Variants in MTHFD2L observed in about 807,000 individuals in gnomAD.
MTHFD2L encodes the protein methylenetetrahydrofolate dehydrogenase (NADP+ dependent) 2 like, also known as bifunctional methylenetetrahydrofolate dehydrogenase/cyclohydrolase 2, mitochondrial.
In MTHFD2L, 29 loss-of-function variants were observed where a neutral mutation model predicts 34.9. The ratio of observed to expected loss-of-function variants is 0.83; its 90% CI spans 0.62 to 1.13. The LOEUF is 1.13. Among genes scored for constraint, MTHFD2L ranks in the 50% most tolerant of loss-of-function variants. The pLI, the probability that MTHFD2L is intolerant of heterozygous loss-of-function variation, is 0.00. For synonymous variants in MTHFD2L, 167 were observed against 155.7 expected, an observed-to-expected ratio of 1.07 and a Z score of -0.54; for missense variants, 481 against 446.5, an observed-to-expected ratio of 1.08 and a Z score of -0.70.
At chr4:74,124,137 T>C (rs145435586), upstream of MTHFD2L, among the ~76,000 whole-genome samples, 573 of 152,238 alleles carry the variant, frequency 3.8e-3, 3 homozygotes, top group Non-Finnish European at 5.2e-3. Flanking sequence ...GACAAAGGCT[T>C]AGACAGTAAT....
intron 5 of MTHFD2L, among the ~76,000 whole-genome samples, chr4:74,218,335 C>A (rs1248465281): frequency 6.6e-6 from 1 of 152,042 alleles, no homozygotes; most frequent in Non-Finnish European, 1.5e-5. Flanking sequence ...TGAAAGCTGG[C>A]ACATGGACAG....
At chr4:74,243,046 TGAGA>T (rs540323374) in intron 6 of MTHFD2L, among the ~76,000 whole-genome samples, 1 of 151,982 alleles carries the variant, frequency 6.6e-6, no homozygotes, top group African/African-American at 2.4e-5. Context: ...TGAAAATTGA[TGAGA>T]GAGAGAGGTG....
At chr4:74,124,608 C>T (rs1038011163), upstream of MTHFD2L, among the ~76,000 whole-genome samples, 15 of 151,906 alleles carry the variant, frequency 9.9e-5, no homozygotes, top group African/African-American at 2.4e-4. Context: ...CAACCTGTTT[C>T]GTTAAGACAT....
chr4:74,251,099 C>A (rs1249216111), intron 6 of MTHFD2L, among the ~76,000 whole-genome samples: 1 of 152,158 alleles, frequency 6.6e-6, no homozygotes, highest in Non-Finnish European at 1.5e-5. Flanking sequence ...GTGATGAACT[C>A]TAAGATCTAA....
chr4:74,119,900 A>T (rs1422605332), upstream of MTHFD2L, among the ~76,000 whole-genome samples: 2 of 152,224 alleles, frequency 1.3e-5, no homozygotes, highest in Non-Finnish European at 2.9e-5. Flanking sequence ...TGGCTATGCA[A>T]TGAAGCCATG....
intron 6 of MTHFD2L, among the ~76,000 whole-genome samples, chr4:74,227,694 G>T (rs1281015673): frequency 6.6e-6 from 1 of 152,188 alleles, no homozygotes; most frequent in Admixed American, 6.6e-5. Context: ...GAAGGACGTT[G>T]TCGGCCATGG....
chr4:74,263,346 G>C (rs535934390), intron 6 of MTHFD2L, among the ~76,000 whole-genome samples: 2 of 151,860 alleles, frequency 1.3e-5, no homozygotes, highest in Non-Finnish European at 1.5e-5. Flanking sequence ...TTTTACAATT[G>C]TTCTCTCTAG....
chr4:74,145,609 A>G (rs1008393843), intron 1 of MTHFD2L, among the ~76,000 whole-genome samples: 1 of 152,222 alleles, frequency 6.6e-6, no homozygotes. Flanking sequence ...GACATAAATA[A>G]TTCCTATAGC....
chr4:74,124,235 G>A (rs533859181), upstream of MTHFD2L, among the ~76,000 whole-genome samples: 1 of 151,274 alleles, frequency 6.6e-6, no homozygotes, highest in East Asian at 1.9e-4. Flanking sequence ...TTTAGCATGC[G>A]TTTTCTGTAT....
At chr4:74,264,686 T>C (rs1745078681) in intron 6 of MTHFD2L, among the ~76,000 whole-genome samples, 1 of 152,032 alleles carries the variant, frequency 6.6e-6, no homozygotes, top group African/African-American at 2.4e-5. Context: ...TTTTAATATT[T>C]TTAAGTACAA....
intron 6 of MTHFD2L, among the ~76,000 whole-genome samples, chr4:74,226,958 C>T (rs1316769132): frequency 6.6e-6 from 1 of 152,114 alleles, no homozygotes; most frequent in African/African-American, 2.4e-5. Flanking sequence ...TGGTGAAGAT[C>T]TTTCTTGGGA....
At chr4:74,128,139 C>G (rs1252507715) in intron 1 of MTHFD2L, among the ~76,000 whole-genome samples, 1 of 152,014 alleles carries the variant, frequency 6.6e-6, no homozygotes, top group Non-Finnish European at 1.5e-5. Context: ...CTTATATATT[C>G]TTGTTACTAA....
intron 5 of MTHFD2L, among the ~76,000 whole-genome samples, chr4:74,217,080 C>G (rs1278001458): frequency 6.6e-6 from 1 of 151,798 alleles, no homozygotes; most frequent in Non-Finnish European, 1.5e-5. Flanking sequence ...ATTCTCATGC[C>G]CCATCACTGA....
chr4:74,158,181 C>A lies in MTHFD2L; in HGVS notation c.43C>A (p.Leu15Ile). The A allele has an allele frequency of 6.5e-7, 1 of 1,526,872 alleles. No homozygotes were observed. Among genetic ancestry groups the A allele is most frequent in the Non-Finnish European group, 8.8e-7 (1 of 1,138,020 alleles). The allele number at this position is 1,526,872 out of a possible 1,614,324, so 94.6% of individuals were successfully genotyped here. A position where few individuals can be genotyped will look rare whatever the true frequency, so the allele number is the denominator to read the frequency against. The change falls in exon 1 of 8, where the codon CTT becomes ATT. Residue 15 changes from leucine to isoleucine, a missense_variant. Leu to Ile is a conservative substitution (Grantham distance 5). Transcript: ENST00000325278. ...CGGCTTCTCGCTGCTCCGCGGCCGC[C>A]TTGGCCGAGCGCCGGCGTTGGGCAG... Reference protein sequence around the residue: ...VRGFSLLRGRLGRAPALGRST... With the variant: ...VRGFSLLRGRIGRAPALGRST...
chr4:74,242,358 A>C (rs1265351683), intron 6 of MTHFD2L: 3 of 152,176 alleles, frequency 2.0e-5, no homozygotes, highest in Non-Finnish European at 2.9e-5. Context: ...ATTTTAATGT[A>C]ATCTTTCAGT....
In MTHFD2L at chr4:74,216,720, GATCAGTCA is replaced by G. The variant is rs554822358; in HGVS notation, c.713-8578_713-8571del. 2.8e-3 allele frequency among the ~76,000 whole-genome samples: 419 copies of G among 151,740 alleles called. 16 individuals are homozygous for G. The highest frequency in any genetic ancestry group is 8.9e-3 in the African/African-American group (365 of 41,094). Reference sequence around the variant, plus strand: ...AGTGGTACCATCAGTTTTTCTGATTGATCAGTCAATCCTTGACTTCTCTCTTTCTCTTA... The same window carrying G: ...AGTGGTACCATCAGTTTTTCTGATTGATCCTTGACTTCTCTCTTTCTCTTA... On this transcript the variant is annotated intron_variant, in intron 5 of 7. Coordinates refer to ENST00000325278, the MANE Select transcript of MTHFD2L (RefSeq NM_001144978.3).
intron 6 of MTHFD2L, among the ~76,000 whole-genome samples, chr4:74,246,450 T>C (rs369079983): frequency 2.6e-5 from 4 of 152,068 alleles, no homozygotes; most frequent in East Asian, 3.9e-4. Context: ...CTGATGGTAG[T>C]TTCTTTTGCT....
chr4:74,239,722 T>G (rs1741422992), intron 6 of MTHFD2L, among the ~76,000 whole-genome samples: 1 of 152,176 alleles, frequency 6.6e-6, no homozygotes, highest in African/African-American at 2.4e-5. Flanking sequence ...ACTTAGAATT[T>G]TATTAATATG....
At chr4:74,179,248 C>T (rs188740874) in intron 3 of MTHFD2L, among the ~76,000 whole-genome samples, 92 of 152,140 alleles carry the variant, frequency 6.0e-4, no homozygotes, top group African/African-American at 2.1e-3. Flanking sequence ...TAAGGCATAA[C>T]GTAAGCACAT....
Sources: gnomAD v4.1 joint callset for allele counts (sites outside exome capture counted in the v4.1 genomes callset) on GRCh38, gnomAD v4.1.1 for gene constraint, MANE v1.5 for transcripts, NCBI Gene and HGNC (gene_info 2026-07-23, HGNC 2026-07-21) for gene names.